The following NAPG variants were observed in gnomAD, a reference collection of about 807,000 sequenced individuals.
NAPG encodes the protein gamma-soluble NSF attachment protein.
A neutral mutation model predicts 48.4 loss-of-function variants in NAPG; 25 were observed. That is an observed-to-expected ratio of 0.52 (90% CI 0.38 to 0.72). The LOEUF (loss-of-function observed/expected upper bound fraction) is 0.72, where lower values mean the gene tolerates loss of function less well. NAPG is among the 30% of genes least tolerant of loss of function. The pLI is 0.00. For synonymous variants in NAPG, 139 were observed against 127.2 expected, an observed-to-expected ratio of 1.09 and a Z score of -0.62; for missense variants, 359 against 372.5, an observed-to-expected ratio of 0.96 and a Z score of 0.30.
At chr18:10,540,278 A>G in intron 7 of NAPG, 51 bp from the exon 8 acceptor site, 1 of 1,507,918 alleles carries the variant, frequency 6.6e-7, no homozygotes, top group Non-Finnish European at 9.2e-7. Flanking sequence ...AGGGGATAAA[A>G]ACATTTCAAC....
In NAPG at chr18:10,539,784, C is replaced by T; in HGVS notation, c.281C>T (p.Ala94Val). Residue 94 changes from alanine (A) to valine (V), a missense_variant, in exon 6 of 12, where the codon GCC becomes GTC. Ala to Val is a moderately conservative substitution (Grantham distance 64). Transcript: ENST00000322897. This position sits in a 1 kb window ranked among gnomAD's most constrained non-coding sequence, Gnocchi z 4.7. ...MLKEMQKLPEAVQLIEKASMM... is the reference protein window; with the variant it reads ...MLKEMQKLPEVVQLIEKASMM... ...AAGGAGATGCAGAAACTACCAGAGG[C>T]CGTTCAGCTAATTGAGAAGGCCAGC... 1 of 1,613,958 alleles carries T rather than the reference C, an allele frequency of 6.2e-7. No homozygotes were observed. The highest frequency in any genetic ancestry group is 8.5e-7 in the Non-Finnish European group (1 of 1,179,882).
At position 10,539,799 on chromosome 18, in the gene NAPG, A is replaced by C. The variant is rs747839759; in HGVS notation, c.296A>C (p.Glu99Ala). 1 of 1,614,032 alleles carries C rather than the reference A, an allele frequency of 6.2e-7. No individual in the cohort carries two copies. The highest frequency in any genetic ancestry group is 1.1e-5 in the South Asian group (1 of 91,088). ...QKLPEAVQLI[E>A]KASMMYLENG... is the part of the protein sequence containing the mutation. ...CTACCAGAGGCCGTTCAGCTAATTG[A>C]GAAGGCCAGCATGATGTATCTAGAA... Residue 99 changes from glutamate (E) to alanine (A), a missense_variant, in exon 6 of 12, where the codon GAG (glutamate) becomes GCG (alanine). Physicochemically the swap from Glu to Ala is moderately radical, Grantham distance 107. Transcript: ENST00000322897. The surrounding 1 kb of genome is among the most constrained non-coding windows in gnomAD (Gnocchi z 4.7).
intron 5 of NAPG, among the ~76,000 whole-genome samples, chr18:10,538,014 A>C (rs1469070415): frequency 6.6e-6 from 1 of 152,208 alleles, no homozygotes; most frequent in Non-Finnish European, 1.5e-5. Context: ...AGCCTACCTT[A>C]AGATACAGCA....
Position 10,544,782 on chromosome 18 carries a change from T to C in NAPG, c.507-1544T>C, listed in dbSNP as rs1410094328. 6.6e-6 allele frequency among the ~76,000 whole-genome samples: 1 copy of C among 152,228 alleles called. No homozygotes were observed. Among genetic ancestry groups the C allele is most frequent in the African/African-American group, 2.4e-5 (1 of 41,454 alleles). ...AGAATCGGGAGCACTCTTAGAATTC[T>C]GCTACCAAACCCAGCTTATAAATTG... On this transcript the variant is annotated intron_variant, in intron 8 of 11. Coordinates refer to ENST00000322897, the MANE Select transcript of NAPG (RefSeq NM_003826.3). This position sits in a 1 kb window ranked among gnomAD's most constrained non-coding sequence, Gnocchi z 5.1.
At chr18:10,533,460 C>T (rs2031970734) in intron 3 of NAPG, 76 bp from the exon 4 acceptor site, 2 of 1,343,130 alleles carry the variant, frequency 1.5e-6, no homozygotes, top group Non-Finnish European at 2.0e-6. Context: ...AGTTAACTGT[C>T]TTTAAATAGT....
chr18:10,533,509 A>C (rs151134898), intron 3 of NAPG, 27 bp from the exon 4 acceptor site: 1 of 1,584,814 alleles, frequency 6.3e-7, no homozygotes, highest in Admixed American at 1.8e-5. Context: ...TTTTTTCCTT[A>C]ACTTTGACTT....
Position 10,550,243 on chromosome 18 carries a change from A to T in NAPG, c.*23A>T. 6.4e-7 allele frequency: 1 copy of T among 1,562,814 alleles called. No individual in the cohort carries two copies. Among genetic ancestry groups the T allele is most frequent in the South Asian group, 1.2e-5 (1 of 82,230 alleles). On this transcript the variant is annotated 3_prime_UTR_variant, in exon 12 of 12. Transcript: ENST00000322897. ...TAGTATTTTGCTTGCTGAAAAGAAA[A>T]GGGAAACAAAGGTAAAATCCTGACA...
At chr18:10,533,149 A>G (rs997979771) in intron 3 of NAPG, 4 of 254,032 alleles carry the variant, frequency 1.6e-5, no homozygotes, top group Middle Eastern at 1.2e-3. Context: ...TTTTAAATAC[A>G]GTTTTCCTTA....
At chr18:10,532,163 T>C (rs921481003) in intron 2 of NAPG, among the ~76,000 whole-genome samples, 5 of 152,208 alleles carry the variant, frequency 3.3e-5, no homozygotes, top group Non-Finnish European at 7.4e-5. Context: ...CTTTAGCTGT[T>C]TGAACAGTGA....
In NAPG at chr18:10,543,040, C is replaced by T. The variant is rs753862399; in HGVS notation, c.506+2641C>T. 6.6e-6 allele frequency among the ~76,000 whole-genome samples: 1 copy of T among 150,652 alleles called. No individual in the cohort carries two copies. The highest frequency in any genetic ancestry group is 2.1e-4 in the South Asian group (1 of 4,752). ...CTCTACTAAAAATACAAAAAGTAGC[C>T]GGGTGTGATGACGCACACCTATAAT... On this transcript the variant is annotated intron_variant, in intron 8 of 11. Coordinates refer to ENST00000322897, the MANE Select transcript of NAPG (RefSeq NM_003826.3). This position sits in a 1 kb window ranked among gnomAD's most constrained non-coding sequence, Gnocchi z 4.4.
At position 10,550,115 on chromosome 18, in the gene NAPG, G is replaced by T. The variant is rs765917103; in HGVS notation, c.834G>T (p.Gly278=). 2 of 1,575,670 alleles carry T rather than the reference G, an allele frequency of 1.3e-6. No homozygotes were observed. The highest frequency in any genetic ancestry group is 1.9e-5 in the Admixed American group (1 of 52,936). ...GCCTGAGTTTGGTGGTTCCAGGAGG[G>T]GGAATCAAGAAGAAATCACCTGCAA... ...KLGLSLVVPG[G]GIKKKSPATP... The change falls in exon 12 of 12, where the codon GGG becomes GGT. Residue 278 remains glycine (G), a synonymous_variant. Coordinates refer to ENST00000322897, the MANE Select transcript of NAPG (RefSeq NM_003826.3).
Position 10,548,994 on chromosome 18 carries a change from CTG to C in NAPG, c.696_697del (p.Ala233CysfsTer7). ...TCCCTGGGTTCAATGGCAGTGAAGA[CTG>C]TGCTGCCCTGGAACAGCTTCTTGAA... ...SIPGFNGSED[C>X]AALEQLLEGY... On this transcript the variant is annotated frameshift_variant, in exon 11 of 12. Transcript: ENST00000322897. LOFTEE classifies it high-confidence loss of function. The surrounding 1 kb of genome is among the most constrained non-coding windows in gnomAD (Gnocchi z 4.4). 1 of 1,613,796 alleles carries C rather than the reference CTG, an allele frequency of 6.2e-7. No individual in the cohort carries two copies. The highest frequency in any genetic ancestry group is 8.5e-7 in the Non-Finnish European group (1 of 1,179,740).
Position 10,526,175 on chromosome 18 carries a change from C to T in NAPG, c.56+17C>T, listed in dbSNP as rs1258764770. 17 of 1,369,330 alleles carry T rather than the reference C, an allele frequency of 1.2e-5. No homozygotes were observed. Among genetic ancestry groups the T allele is most frequent in the African/African-American group, 1.6e-5 (1 of 64,084 alleles). 84.8% of individuals were successfully genotyped at this position (1,369,330 alleles called of 1,614,324 possible). A position where few individuals can be genotyped will look rare whatever the true frequency, so the allele number is the denominator to read the frequency against. On this transcript the variant is annotated intron_variant, in intron 1 of 11. Coordinates refer to ENST00000322897, the MANE Select transcript of NAPG (RefSeq NM_003826.3). ...AGAGAAATAGTGAGTGAGAACCTTC[C>T]GGGGGCCTGTGTGTAGACGCCGGGT...
intron 5 of NAPG, among the ~76,000 whole-genome samples, chr18:10,538,765 G>C (rs2032087241): frequency 6.6e-6 from 1 of 151,934 alleles, no homozygotes; most frequent in African/African-American, 2.4e-5. Context: ...CAATGTATTT[G>C]AGTCATTTAC....
Position 10,546,534 on chromosome 18 carries a change from T to G in NAPG, c.585+130T>G, listed in dbSNP as rs1276657899. 1 of 510,322 alleles carries G rather than the reference T, an allele frequency of 2.0e-6. No individual in the cohort carries two copies. The highest frequency in any genetic ancestry group is 2.0e-5 in the African/African-American group (1 of 50,784). The allele number at this position is 510,322 out of a possible 1,614,324, so 31.6% of individuals were successfully genotyped here. A position where few individuals can be genotyped will look rare whatever the true frequency, so the allele number is the denominator to read the frequency against. ...TAAAATAATACTTCATGGGCCTCTATTTTTGACCAAGATAGAGTAAGCCCA... is the reference window on the plus strand; with the variant it reads ...TAAAATAATACTTCATGGGCCTCTAGTTTTGACCAAGATAGAGTAAGCCCA... On this transcript the variant is annotated intron_variant, in intron 9 of 11. Coordinates refer to ENST00000322897, the MANE Select transcript of NAPG (RefSeq NM_003826.3). This position sits in a 1 kb window ranked among gnomAD's most constrained non-coding sequence, Gnocchi z 4.0.
At position 10,539,910 on chromosome 18, in the gene NAPG, G is replaced by T. The variant is rs1022686090; in HGVS notation, c.368+39G>T. ...GGACAAGTCTCTGCATAGAAGTCTT[G>T]TCTTTTTGTTTTAAAGAGGTCCCTG... On this transcript the variant is annotated intron_variant, in intron 6 of 11. Coordinates refer to ENST00000322897, the MANE Select transcript of NAPG (RefSeq NM_003826.3). This position sits in a 1 kb window ranked among gnomAD's most constrained non-coding sequence, Gnocchi z 4.7. The T allele has an allele frequency of 6.8e-6, 11 of 1,610,480 alleles. No homozygotes were observed. In the African/African-American group the frequency reaches 1.5e-4, roughly 22 times the overall value.
At chr18:10,547,275 C>G (rs1183616834) in intron 9 of NAPG, among the ~76,000 whole-genome samples, 1 of 152,200 alleles carries the variant, frequency 6.6e-6, no homozygotes, top group African/African-American at 2.4e-5. Context: ...CTGAACCTAA[C>G]TGGGGTGATT....
chr18:10,546,259 T>G lies in NAPG; in HGVS notation c.507-67T>G. ...CTACAATCTATGATGTCAAGTACAT[T>G]TCACAGGGGACCTCTGCTATAGATC... On this transcript the variant is annotated intron_variant, in intron 8 of 11. Transcript: ENST00000322897. This position sits in a 1 kb window ranked among gnomAD's most constrained non-coding sequence, Gnocchi z 4.0. 1 of 1,015,608 alleles carries G rather than the reference T, an allele frequency of 9.8e-7. No individual in the cohort carries two copies. Among genetic ancestry groups the G allele is most frequent in the East Asian group, 2.7e-5 (1 of 37,042 alleles). 62.9% of individuals were successfully genotyped at this position (1,015,608 alleles called of 1,614,324 possible).
Position 10,534,291 on chromosome 18 carries a change from C to T in NAPG, c.228-175C>T, listed in dbSNP as rs769226320. Among the ~76,000 whole-genome samples the T allele has an allele frequency of 6.6e-6, 1 of 152,086 alleles. No individual in the cohort carries two copies. The highest frequency in any genetic ancestry group is 1.5e-5 in the Non-Finnish European group (1 of 68,014). On this transcript the variant is annotated intron_variant, in intron 4 of 11. Coordinates refer to ENST00000322897, the MANE Select transcript of NAPG (RefSeq NM_003826.3). The surrounding 1 kb of genome is among the most constrained non-coding windows in gnomAD (Gnocchi z 5.0). Reference sequence around the variant, plus strand: ...TCTGATGTTCTAAGCCATTATTCCCCACAAAAAAAGAATAAAAAATTATAT... The same window carrying T: ...TCTGATGTTCTAAGCCATTATTCCCTACAAAAAAAGAATAAAAAATTATAT...
Sources: allele counts gnomAD v4.1 joint callset (sites outside exome capture counted in the v4.1 genomes callset), GRCh38; gene constraint gnomAD v4.1.1; non-coding constraint Gnocchi (gnomAD v3.1); transcripts MANE v1.5; gene names NCBI Gene and HGNC (gene_info 2026-07-23, HGNC 2026-07-21).